The following HERC1 variants were observed in gnomAD, a reference collection of about 807,000 sequenced individuals.
The protein encoded by HERC1 is HECT and RLD domain containing E3 ubiquitin protein ligase family member 1.
A neutral mutation model predicts 554.3 loss-of-function variants in HERC1; 160 were observed. That is an observed-to-expected ratio of 0.29 (90% confidence interval 0.25 to 0.33). The LOEUF is 0.33. HERC1 is among the 10% of genes least tolerant of loss of function. The probability of loss-of-function intolerance (pLI) is 1.00; values close to 1 mark genes in which losing one functional copy is unlikely to be tolerated. For missense variants in HERC1, 4,919 were observed against 5,918.5 expected, an observed-to-expected ratio of 0.83 and a Z score of 5.54; for synonymous variants, 2,175 against 2,131.7, an observed-to-expected ratio of 1.02 and a Z score of -0.56.
chr15:63,718,280 C>T lies in HERC1; in HGVS notation c.3978+294G>A. ...ATTAAACAGGATAATTCAAATGTGG[C>T]CCAATCAGCACAAAGAGAGGAATAA... is the stretch of plus-strand genomic sequence containing the variant. On this transcript the variant is annotated intron_variant, in intron 21 of 77. Coordinates refer to ENST00000443617, the MANE Select transcript of HERC1 (RefSeq NM_003922.4). The surrounding 1 kb of genome is among the most constrained non-coding windows in gnomAD (Gnocchi z 4.2). The T allele has an allele frequency of 3.9e-6, 1 of 254,286 alleles. No homozygotes were observed. The highest frequency in any genetic ancestry group is 7.5e-6 in the Non-Finnish European group (1 of 132,748). The allele number at this position is 254,286 out of a possible 1,614,324, so 15.8% of individuals were successfully genotyped here.
Position 63,728,385 on chromosome 15 carries a change from T to C in HERC1, c.3155-547A>G, listed in dbSNP as rs534148680. ...AAATCAATTTTATTTCACTATTTCA[T>C]TGTATATCAGGGCAGAGAAGGTCAT... is the stretch of plus-strand genomic sequence containing the variant. On this transcript the variant is annotated intron_variant, in intron 16 of 77. Transcript: ENST00000443617. 5.5e-4 allele frequency among the ~76,000 whole-genome samples: 84 copies of C among 152,350 alleles called. 1 individual carries two copies. The South Asian group carries it at 0.012, about 22-fold the overall frequency.
chr15:63,623,693 A>G, intron 73 of HERC1, 32 bp downstream of exon 73: 3 of 1,604,476 alleles, frequency 1.9e-6, no homozygotes, highest in Non-Finnish European at 2.6e-6. Context: ...AGCAGACTAG[A>G]TAACTCAGCA....
intron 1 of HERC1, among the ~76,000 whole-genome samples, chr15:63,781,537 G>A (rs967965431): frequency 3.3e-5 from 5 of 152,228 alleles, no homozygotes; most frequent in East Asian, 3.9e-4. Flanking sequence ...AAACTTAATC[G>A]ATAAATGGTA....
In HERC1 at chr15:63,637,750, T is replaced by G. The variant is rs1023203715; in HGVS notation, c.12094-107A>C. On this transcript the variant is annotated intron_variant, in intron 63 of 77. Transcript: ENST00000443617. Reference sequence around the variant, plus strand: ...TACATAGAATGCTTTTATAATTGTTTTATCCTTTTACTGAAAGGGAAGAGT... The same window carrying G: ...TACATAGAATGCTTTTATAATTGTTGTATCCTTTTACTGAAAGGGAAGAGT... 18 of 969,018 alleles carry G rather than the reference T, an allele frequency of 1.9e-5. No individual in the cohort carries two copies. The African/African-American group carries it at 2.8e-4, about 15-fold the overall frequency. 60.0% of individuals were successfully genotyped at this position (969,018 alleles called of 1,614,324 possible).
At chr15:63,623,468 A>G (rs2068173323) in intron 73 of HERC1, among the ~76,000 whole-genome samples, 1 of 152,228 alleles carries the variant, frequency 6.6e-6, no homozygotes, top group African/African-American at 2.4e-5. Flanking sequence ...TTCTGCCAAT[A>G]TTATAACACA....
intron 70 of HERC1, among the ~76,000 whole-genome samples, chr15:63,626,593 C>G (rs962771435): frequency 5.9e-5 from 9 of 152,170 alleles, no homozygotes; most frequent in African/African-American, 2.2e-4. Context: ...ACTCCATATT[C>G]ACTAGGGATC....
At chr15:63,754,756 T>A (rs2075364613) in intron 6 of HERC1, 108 bp from the exon 7 acceptor site, 3 of 1,102,672 alleles carry the variant, frequency 2.7e-6, no homozygotes, top group Admixed American at 2.4e-5. Flanking sequence ...GAATTGAGAT[T>A]TTTTTAATGC....
At chr15:63,791,193 G>A (rs958959406) in intron 1 of HERC1, among the ~76,000 whole-genome samples, 1 of 152,094 alleles carries the variant, frequency 6.6e-6, no homozygotes, top group Non-Finnish European at 1.5e-5. Context: ...CTCTGAGATA[G>A]TTTTACTTAA....
At chr15:63,623,915 T>A (rs1595841593) in intron 72 of HERC1, 25 bp from the exon 73 acceptor site, 2 of 1,610,614 alleles carry the variant, frequency 1.2e-6, no homozygotes, top group East Asian at 4.5e-5. Context: ...GAGAAAGCAA[T>A]GAAATACAAC....
chr15:63,794,186 C>A (rs1177808426), intron 1 of HERC1, among the ~76,000 whole-genome samples: 2 of 152,162 alleles, frequency 1.3e-5, no homozygotes, highest in African/African-American at 4.8e-5. Flanking sequence ...CAACCAGCAG[C>A]CCTTGGGGCT....
At chr15:63,767,066 G>C (rs1308395690) in intron 2 of HERC1, among the ~76,000 whole-genome samples, 1 of 150,960 alleles carries the variant, frequency 6.6e-6, no homozygotes, top group Admixed American at 6.6e-5. Context: ...CAGTAGCGCA[G>C]TCTCGGCTCA....
chr15:63,654,169 C>G lies in HERC1; in HGVS notation c.10240G>C (p.Gly3414Arg), dbSNP rs1230325090. 1 of 1,614,022 alleles carries G rather than the reference C, an allele frequency of 6.2e-7. No homozygotes were observed. The highest frequency in any genetic ancestry group is 1.7e-5 in the Admixed American group (1 of 60,026). Reference sequence around the variant, plus strand: ...ATAAAGGAGCATTTTCTAAGATCTCCTCCCATATCAGCAAGTGTCTGCAGA... The same window carrying G: ...ATAAAGGAGCATTTTCTAAGATCTCGTCCCATATCAGCAAGTGTCTGCAGA... ...TTLQTLADMG[G>R]DLRKCSFIKL... Residue 3414 changes from glycine to arginine, a missense_variant, in exon 51 of 78, where the codon GGA (glycine) becomes CGA (arginine). Coordinates refer to ENST00000443617, the MANE Select transcript of HERC1 (RefSeq NM_003922.4).
intron 3 of HERC1, among the ~76,000 whole-genome samples, chr15:63,763,232 G>T (rs942730248): frequency 3.9e-5 from 6 of 152,124 alleles, no homozygotes; most frequent in Non-Finnish European, 7.4e-5. Context: ...AGAAACGATA[G>T]AATTAGAATA....
chr15:63,624,027 G>C lies in HERC1; in HGVS notation c.13445+131C>G. The C allele has an allele frequency of 1.1e-5, 14 of 1,225,278 alleles. 1 individual carries two copies. Among genetic ancestry groups the C allele is most frequent in the Non-Finnish European group, 1.4e-5 (12 of 860,978 alleles). 75.9% of individuals were successfully genotyped at this position (1,225,278 alleles called of 1,614,324 possible). A position where few individuals can be genotyped will look rare whatever the true frequency, so the allele number is the denominator to read the frequency against. The stretch of plus-strand genomic sequence containing the variant: ...TGCTAGGCCCACTGTAACCACACCA[G>C]GTACTAATGTAAGTACTATTACTAT... On this transcript the variant is annotated intron_variant, in intron 72 of 77. Transcript: ENST00000443617.
At chr15:63,755,667 C>G (rs941464472) in intron 5 of HERC1, among the ~76,000 whole-genome samples, 2 of 152,122 alleles carry the variant, frequency 1.3e-5, no homozygotes, top group Non-Finnish European at 2.9e-5. Context: ...ATAGTCCCAG[C>G]TACTCAGAAA....
At chr15:63,693,165 G>A (rs1353550292) in intron 30 of HERC1, among the ~76,000 whole-genome samples, 4 of 151,680 alleles carry the variant, frequency 2.6e-5, no homozygotes, top group African/African-American at 9.7e-5. Context: ...GTGACAGGGT[G>A]AGACTCTGTC....
intron 34 of HERC1, among the ~76,000 whole-genome samples, chr15:63,681,472 T>A (rs981609434): frequency 6.6e-6 from 1 of 152,104 alleles, no homozygotes; most frequent in South Asian, 2.1e-4. Context: ...GTTGGGATTA[T>A]AGGCATCAGC....
In HERC1 at chr15:63,654,195, G is replaced by A; in HGVS notation, c.10214C>T (p.Thr3405Ile). The stretch of plus-strand genomic sequence containing the variant: ...TCCCATATCAGCAAGTGTCTGCAGA[G>A]TAGTTTGGTTGTCACGGTCGTGTGC... ...LAAHDRDNQT[T>I]LQTLADMGGD... Residue 3405 changes from threonine (T) to isoleucine (I), a missense_variant, in exon 51 of 78, where the codon ACT (threonine) becomes ATT (isoleucine). Coordinates refer to ENST00000443617, the MANE Select transcript of HERC1 (RefSeq NM_003922.4). 6.2e-7 allele frequency: 1 copy of A among 1,614,046 alleles called. No individual in the cohort carries two copies. Among genetic ancestry groups the A allele is most frequent in the Non-Finnish European group, 8.5e-7 (1 of 1,179,876 alleles).
chr15:63,608,755 T>C lies in HERC1; in HGVS notation c.*326A>G, dbSNP rs2067471704. 4.9e-6 allele frequency: 1 copy of C among 205,362 alleles called. No individual in the cohort carries two copies. Among genetic ancestry groups the C allele is most frequent in the Non-Finnish European group, 9.8e-6 (1 of 101,628 alleles). 12.7% of individuals were successfully genotyped at this position (205,362 alleles called of 1,614,324 possible). A position where few individuals can be genotyped will look rare whatever the true frequency, so the allele number is the denominator to read the frequency against. ...CAATTATACACAATGTACAATTTCA[T>C]GTTCACTGGGTGGATTTACAAAAAT... On this transcript the variant is annotated 3_prime_UTR_variant, in exon 78 of 78. Coordinates refer to ENST00000443617, the MANE Select transcript of HERC1 (RefSeq NM_003922.4).
Sources: allele counts gnomAD v4.1 joint callset (sites outside exome capture counted in the v4.1 genomes callset), GRCh38; gene constraint gnomAD v4.1.1; non-coding constraint Gnocchi (gnomAD v3.1); transcripts MANE v1.5; gene names NCBI Gene and HGNC (gene_info 2026-07-23, HGNC 2026-07-21).